Variants in MORC3 observed in about 807,000 individuals in gnomAD.
MORC3 encodes the protein MORC family CW-type zinc finger protein 3.
A neutral mutation model predicts 109.1 loss-of-function variants in MORC3; 31 were observed. That is an observed-to-expected ratio of 0.28 (90% confidence interval 0.21 to 0.38). The LOEUF is 0.38. MORC3 is among the 10% of genes least tolerant of loss of function. The pLI, the probability that MORC3 is intolerant of heterozygous loss-of-function variation, is 1.00. For missense variants in MORC3, 867 were observed against 1,135.8 expected (o/e 0.76, Z 3.40); for synonymous variants, 395 against 380.7 (o/e 1.04, Z -0.44).
intron 6 of MORC3, 60 bp from the exon 7 acceptor site, chr21:36,344,519 A>G (rs1037039711): frequency 2.6e-6 from 4 of 1,551,540 alleles, no homozygotes; most frequent in Admixed American, 1.9e-5. Context: ...GTGTAAATCC[A>G]TGTCTAAGTA....
chr21:36,331,541 G>T (rs1399254863), intron 1 of MORC3, among the ~76,000 whole-genome samples: 2 of 152,044 alleles, frequency 1.3e-5, no homozygotes, highest in African/African-American at 4.8e-5. Context: ...GGCGGAGCTT[G>T]CAGTGAGCTG....
In MORC3 at chr21:36,364,097, A is replaced by G. The variant is rs199815221; in HGVS notation, c.1457A>G (p.Asn486Ser). ...IRQPEMIPRINAELLFRPTAL... is the reference protein window; with the variant it reads ...IRQPEMIPRISAELLFRPTAL... The stretch of plus-strand genomic sequence containing the variant: ...GATGATTTTTCCCTCCAACAGATTA[A>G]TGCTGAACTGTTGTTTCGGCCAACT... The change falls in exon 14 of 17, where the codon AAT becomes AGT. Residue 486 changes from asparagine (N) to serine (S), a missense_variant. Asn to Ser is a conservative substitution (Grantham distance 46). This residue lies in a region of MORC3 where 486 missense variants were observed against 502.1 expected (regional missense o/e 0.97). Transcript: ENST00000400485. The G allele has an allele frequency of 3.0e-5, 48 of 1,613,746 alleles. No individual in the cohort carries two copies. The highest frequency in any genetic ancestry group is 3.6e-5 in the Non-Finnish European group (43 of 1,179,946).
At chr21:36,328,155 G>A (rs1418897360) in intron 1 of MORC3, among the ~76,000 whole-genome samples, 2 of 151,966 alleles carry the variant, frequency 1.3e-5, no homozygotes, top group South Asian at 4.1e-4. Flanking sequence ...GGGATTATAG[G>A]TGTGAGCCAC....
chr21:36,361,176 T>G (rs1044032651), intron 12 of MORC3, among the ~76,000 whole-genome samples: 1 of 152,078 alleles, frequency 6.6e-6, no homozygotes, highest in African/African-American at 2.4e-5. Context: ...GCCAGGTTAC[T>G]AAGAGCCTTT....
At chr21:36,326,065 G>C (rs1270748581) in intron 1 of MORC3, among the ~76,000 whole-genome samples, 1 of 150,532 alleles carries the variant, frequency 6.6e-6, no homozygotes, top group Non-Finnish European at 1.5e-5. Context: ...AAATTATTTG[G>C]GCATGGTGGT....
chr21:36,320,673 T>G (rs985176703), intron 1 of MORC3: 5 of 209,616 alleles, frequency 2.4e-5, no homozygotes, highest in East Asian at 1.0e-4. Flanking sequence ...GGCGTCGTGG[T>G]GGGAGGGAGC....
At chr21:36,324,032 C>T (rs1001087839) in intron 1 of MORC3, among the ~76,000 whole-genome samples, 8 of 151,052 alleles carry the variant, frequency 5.3e-5, no homozygotes, top group Non-Finnish European at 1.2e-4. Context: ...TGCGCCACCA[C>T]GTCTGGCTGA....
In MORC3 at chr21:36,364,121, C is replaced by G. The variant is rs1481165354; in HGVS notation, c.1481C>G (p.Thr494Ser). ...AATGCTGAACTGTTGTTTCGGCCAACTGCTCTTTCAACTCCAAGCTTTTCT... is the reference window on the plus strand; with the variant it reads ...AATGCTGAACTGTTGTTTCGGCCAAGTGCTCTTTCAACTCCAAGCTTTTCT... Reference protein sequence around the residue: ...RINAELLFRPTALSTPSFSSP... With the variant: ...RINAELLFRPSALSTPSFSSP... The change falls in exon 14 of 17, where the codon ACT (threonine) becomes AGT (serine). Residue 494 changes from threonine to serine, a missense_variant. By Grantham distance (58) the Thr-to-Ser change is moderately conservative (BLOSUM62 1). Transcript: ENST00000400485. The G allele has an allele frequency of 6.2e-7, 1 of 1,614,068 alleles. No homozygotes were observed. The highest frequency in any genetic ancestry group is 8.5e-7 in the Non-Finnish European group (1 of 1,180,006).
At chr21:36,322,678 A>G (rs896773166) in intron 1 of MORC3, among the ~76,000 whole-genome samples, 8 of 152,188 alleles carry the variant, frequency 5.3e-5, no homozygotes, top group Non-Finnish European at 8.8e-5. Flanking sequence ...GGCCCAATGT[A>G]TACACATTTT....
chr21:36,322,817 AT>A (rs201331679), intron 1 of MORC3, among the ~76,000 whole-genome samples: 1 of 149,278 alleles, frequency 6.7e-6, no homozygotes. Context: ...TTTGTTGTTG[AT>A]TTTTTTTTTC....
At chr21:36,338,067 C>T in intron 4 of MORC3, 121 bp downstream of exon 4, 1 of 968,226 alleles carries the variant, frequency 1.0e-6, no homozygotes, top group East Asian at 2.6e-5. Context: ...CATTTCTTAC[C>T]TCTGTCCTCT....
At chr21:36,354,379 A>ACTG (rs1327547009) in intron 9 of MORC3, among the ~76,000 whole-genome samples, 5 of 125,942 alleles carry the variant, frequency 4.0e-5, no homozygotes, top group Non-Finnish European at 3.1e-5. Context: ...ATCTTGGCTC[A>ACTG]CTGCAACCTC....
chr21:36,331,515 G>T (rs868554525), intron 1 of MORC3, among the ~76,000 whole-genome samples: 3 of 152,064 alleles, frequency 2.0e-5, no homozygotes, highest in South Asian at 4.2e-4. Flanking sequence ...GGAGAATGGT[G>T]TAAGTAAACC....
chr21:36,347,558 A>T (rs1259512260), intron 8 of MORC3, among the ~76,000 whole-genome samples: 1 of 152,234 alleles, frequency 6.6e-6, no homozygotes, highest in East Asian at 1.9e-4. Context: ...GTAAACATTA[A>T]ATAAGTATCA....
intron 1 of MORC3, among the ~76,000 whole-genome samples, chr21:36,327,109 C>A (rs1039305982): frequency 6.7e-6 from 1 of 148,474 alleles, no homozygotes; most frequent in African/African-American, 2.5e-5. Context: ...TGAGCCAGCG[C>A]GCCTGGCCTC....
chr21:36,369,090 TGAA>T lies in MORC3; in HGVS notation c.1725_1727del (p.Glu575del). ...CAGTTTATAAAGGTGATGATGATGATGAAGATGTCATCATCTTAGAAGAAAACA... is the reference window on the plus strand; with the variant it reads ...CAGTTTATAAAGGTGATGATGATGATGATGTCATCATCTTAGAAGAAAACA... On this transcript the variant is annotated inframe_deletion, in exon 15 of 17. Coordinates refer to ENST00000400485, the MANE Select transcript of MORC3 (RefSeq NM_015358.3). 1 of 1,614,046 alleles carries T rather than the reference TGAA, an allele frequency of 6.2e-7. No homozygotes were observed. The highest frequency in any genetic ancestry group is 1.1e-5 in the South Asian group (1 of 91,082).
intron 1 of MORC3, among the ~76,000 whole-genome samples, chr21:36,323,661 C>G (rs2085216873): frequency 6.6e-6 from 1 of 152,148 alleles, no homozygotes; most frequent in Non-Finnish European, 1.5e-5. Context: ...ATTGGAAATT[C>G]TTTCCGAATT....
At position 36,327,155 on chromosome 21, in the gene MORC3, CTTTTTTTT is replaced by C. The variant is rs71326674; in HGVS notation, c.40-6471_40-6464del. On this transcript the variant is annotated intron_variant, in intron 1 of 16. Transcript: ENST00000400485. Reference sequence around the variant, plus strand: ...TTAAAGATATTAATTGGCTTTATTTCTTTTTTTTTTTTTTTTTTTTTTTTTTTGAGACA... The same window carrying C: ...TTAAAGATATTAATTGGCTTTATTTCTTTTTTTTTTTTTTTTTTTGAGACA... 3.9e-4 allele frequency among the ~76,000 whole-genome samples: 32 copies of C among 81,940 alleles called. 1 individual carries two copies. The highest frequency in any genetic ancestry group is 1.5e-3 in the South Asian group (3 of 2,018). The allele number at this position is 81,940 out of a possible 152,430, so 53.8% of individuals were successfully genotyped here.
At chr21:36,352,604 G>T (rs1258559947) in intron 9 of MORC3, among the ~76,000 whole-genome samples, 1 of 152,038 alleles carries the variant, frequency 6.6e-6, no homozygotes, top group Non-Finnish European at 1.5e-5. Context: ...TATCATGTTG[G>T]CACTCAAAAA....
Sources: gnomAD v4.1 joint callset for allele counts (sites outside exome capture counted in the v4.1 genomes callset) on GRCh38, gnomAD v4.1.1 for gene constraint, gnomAD v4.1.1 regional missense constraint, MANE v1.5 for transcripts, NCBI Gene and HGNC (gene_info 2026-07-23, HGNC 2026-07-21) for gene names.